DLGAP1: variants seen among roughly 807,000 people sequenced by gnomAD.
DLGAP1 encodes DLG associated protein 1.
DLGAP1 carries 11 observed loss-of-function variants against 90.8 expected under a neutral mutation model. That is an observed-to-expected ratio of 0.12 (90% CI 0.08 to 0.20). DLGAP1 has a LOEUF of 0.20. DLGAP1 is among the 10% of genes least tolerant of loss of function. The probability of loss-of-function intolerance (pLI) is 1.00; values close to 1 mark genes in which losing one functional copy is unlikely to be tolerated. For synonymous variants in DLGAP1, 558 were observed against 540.7 expected, an observed-to-expected ratio of 1.03 and a Z score of -0.44; for missense variants, 1,050 against 1,333.8, an observed-to-expected ratio of 0.79 and a Z score of 3.31.
intron 1 of DLGAP1, among the ~76,000 whole-genome samples, chr18:4,277,882 T>G (rs900087242): frequency 1.3e-5 from 2 of 152,184 alleles, no homozygotes; most frequent in Non-Finnish European, 2.9e-5. Flanking sequence ...CCCTTGGAAA[T>G]ACAATGTCTG....
intron 1 of DLGAP1, among the ~76,000 whole-genome samples, chr18:4,366,546 C>A (rs925489087): frequency 6.6e-6 from 1 of 151,590 alleles, no homozygotes; most frequent in Non-Finnish European, 1.5e-5. Context: ...ATACAGTATA[C>A]CTGTGATATT....
In DLGAP1 at chr18:3,782,507, A is replaced by G. The variant is rs191785236; in HGVS notation, c.1172+31552T>C. Among the ~76,000 whole-genome samples the G allele has an allele frequency of 2.6e-5, 4 of 152,310 alleles. No individual in the cohort carries two copies. The East Asian group carries it at 7.7e-4, about 29-fold the overall frequency. On this transcript the variant is annotated intron_variant, in intron 5 of 12. Transcript: ENST00000315677. ...CTAATCATGTGAAGAGAGACTTTGC[A>G]GGTGTTGATGATGCATAAATCAGAA...
intron 1 of DLGAP1, among the ~76,000 whole-genome samples, chr18:4,183,978 C>T (rs1032001199): frequency 9.9e-5 from 15 of 152,020 alleles, no homozygotes; most frequent in Non-Finnish European, 1.5e-4. Flanking sequence ...ATAATGCCCA[C>T]GCAGGAAAGT....
At chr18:3,874,624 G>A in intron 4 of DLGAP1, 1 of 1,534,904 alleles carries the variant, frequency 6.5e-7, no homozygotes, top group Middle Eastern at 1.7e-4. Flanking sequence ...CCTGAGATGT[G>A]CCATAAATGC....
intron 4 of DLGAP1, among the ~76,000 whole-genome samples, chr18:3,869,204 AATT>A (rs1465602931): frequency 6.6e-6 from 1 of 151,352 alleles, no homozygotes; most frequent in African/African-American, 2.4e-5. Flanking sequence ...AAGAAGCCAG[AATT>A]ATATTCCATC....
At chr18:4,076,448 GA>G (rs1387070430) in intron 2 of DLGAP1, among the ~76,000 whole-genome samples, 4 of 152,062 alleles carry the variant, frequency 2.6e-5, no homozygotes, top group African/African-American at 9.7e-5. Context: ...TAATGCAAAA[GA>G]ATTACATTTT....
chr18:3,548,077 T>G (rs558924816), intron 9 of DLGAP1, among the ~76,000 whole-genome samples: 3 of 152,310 alleles, frequency 2.0e-5, no homozygotes, highest in East Asian at 3.9e-4. Context: ...GATTAGCAGT[T>G]ACAGAGACTG....
chr18:3,807,100 G>C (rs2066602123), intron 5 of DLGAP1, among the ~76,000 whole-genome samples: 1 of 152,302 alleles, frequency 6.6e-6, no homozygotes, highest in Admixed American at 6.5e-5. Flanking sequence ...CCTGAGTCAA[G>C]ATGTTCTCAA....
chr18:3,950,450 C>T (rs917814722), intron 3 of DLGAP1, among the ~76,000 whole-genome samples: 1 of 152,228 alleles, frequency 6.6e-6, no homozygotes, highest in Non-Finnish European at 1.5e-5. Flanking sequence ...GAAGTCTGTA[C>T]TTCTTTGCTA....
At chr18:4,225,899 C>T (rs1361582152) in intron 1 of DLGAP1, among the ~76,000 whole-genome samples, 1 of 152,052 alleles carries the variant, frequency 6.6e-6, no homozygotes, top group African/African-American at 2.4e-5. Flanking sequence ...GATAATAACA[C>T]AGAACTTCCC....
At position 3,880,206 on chromosome 18, in the gene DLGAP1, C is replaced by T. The variant is rs920297100; in HGVS notation, c.-72-66G>A. ...CTTGGAAATTAGGTATTGCACTTTA[C>T]AGGGTCTTGCTCTGTTGCCCAGGCT... On this transcript the variant is annotated intron_variant, in intron 3 of 12. Transcript: ENST00000315677. 4 of 781,546 alleles carry T rather than the reference C, an allele frequency of 5.1e-6. No homozygotes were observed. The African/African-American group carries it at 5.1e-5, about 10-fold the overall frequency. The allele number at this position is 781,546 out of a possible 1,614,324, so 48.4% of individuals were successfully genotyped here. A position where few individuals can be genotyped will look rare whatever the true frequency, so the allele number is the denominator to read the frequency against.
At position 3,729,777 on chromosome 18, in the gene DLGAP1, G is replaced by T. The variant is rs1331945371; in HGVS notation, c.1351-402C>A. Among the ~76,000 whole-genome samples, 1 of 152,120 alleles carries T rather than the reference G, an allele frequency of 6.6e-6. No homozygotes were observed. Among genetic ancestry groups the T allele is most frequent in the Non-Finnish European group, 1.5e-5 (1 of 68,034 alleles). ...AAGGAAATGTGGGGCTTATTCCAACGCATGACATTCTTATTTATAAAGGCA... is the reference window on the plus strand; with the variant it reads ...AAGGAAATGTGGGGCTTATTCCAACTCATGACATTCTTATTTATAAAGGCA... On this transcript the variant is annotated intron_variant, in intron 6 of 12. Transcript: ENST00000315677. The surrounding 1 kb of genome is among the most constrained non-coding windows in gnomAD (Gnocchi z 6.2).
rs1254218438 is a variant in DLGAP1, at chr18:3,711,405, T to C, written c.1591+17730A>G. On this transcript the variant is annotated intron_variant, in intron 7 of 12. Coordinates refer to ENST00000315677, the MANE Select transcript of DLGAP1 (RefSeq NM_004746.4). The surrounding 1 kb of genome is among the most constrained non-coding windows in gnomAD (Gnocchi z 4.0). ...TGTTTATAAAATGTATATGCCCAAT[T>C]AGTCTATTGGAACAAAAATAGAATG... is the stretch of plus-strand genomic sequence containing the variant. Among the ~76,000 whole-genome samples, 1 of 152,190 alleles carries C rather than the reference T, an allele frequency of 6.6e-6. No individual in the cohort carries two copies. Among genetic ancestry groups the C allele is most frequent in the African/African-American group, 2.4e-5 (1 of 41,442 alleles).
At chr18:4,004,050 G>T (rs952582144) in intron 3 of DLGAP1, among the ~76,000 whole-genome samples, 8 of 152,010 alleles carry the variant, frequency 5.3e-5, no homozygotes, top group African/African-American at 1.9e-4. Flanking sequence ...AGTAACTGAG[G>T]GTCATATAAT....
chr18:4,299,244 C>T (rs2080065965), intron 1 of DLGAP1, among the ~76,000 whole-genome samples: 1 of 152,162 alleles, frequency 6.6e-6, no homozygotes. Flanking sequence ...ACAAAACATA[C>T]TCTGTTCATA....
intron 10 of DLGAP1, among the ~76,000 whole-genome samples, chr18:3,520,371 T>C (rs922851423): frequency 2.6e-5 from 4 of 152,104 alleles, no homozygotes; most frequent in Admixed American, 2.6e-4. Context: ...AACCTCATGG[T>C]CCCCTCCAGC....
At chr18:3,819,634 T>C (rs571005667) in intron 4 of DLGAP1, among the ~76,000 whole-genome samples, 1 of 152,174 alleles carries the variant, frequency 6.6e-6, no homozygotes, top group Non-Finnish European at 1.5e-5. Context: ...ATGAAGGATA[T>C]GAAGAGTAAA....
intron 3 of DLGAP1, among the ~76,000 whole-genome samples, chr18:3,903,432 A>T (rs141087919): frequency 8.5e-4 from 129 of 152,346 alleles, no homozygotes; most frequent in African/African-American, 2.9e-3. Flanking sequence ...GAAGCAGGAA[A>T]ATTGAGATAA....
At chr18:3,717,626 G>A (rs754820329) in intron 7 of DLGAP1, among the ~76,000 whole-genome samples, 12 of 152,148 alleles carry the variant, frequency 7.9e-5, no homozygotes, top group Non-Finnish European at 1.5e-4. Flanking sequence ...ATTTTCAGGT[G>A]ACTGAAAAAA....
Sources: gnomAD v4.1 joint callset for allele counts (sites outside exome capture counted in the v4.1 genomes callset) on GRCh38, gnomAD v4.1.1 for gene constraint, Gnocchi (gnomAD v3.1) non-coding constraint, MANE v1.5 for transcripts, NCBI Gene and HGNC (gene_info 2026-07-23, HGNC 2026-07-21) for gene names.